Variants in EPB41L2 observed in about 807,000 individuals in gnomAD.
EPB41L2 encodes the protein erythrocyte membrane protein band 4.1 like 2, also known as band 4.1-like protein 2.
A neutral mutation model predicts 113.0 loss-of-function variants in EPB41L2; 43 were observed. The observed-to-expected ratio is 0.38, with a 90% CI of 0.30 to 0.49. EPB41L2 has a LOEUF of 0.49. Among genes scored for constraint, EPB41L2 ranks in the 20% least tolerant of loss-of-function variants. The pLI is 0.95. For synonymous variants in EPB41L2, 442 were observed against 436.7 expected (o/e 1.01, Z -0.15); for missense variants, 1,147 against 1,223.4 (o/e 0.94, Z 0.93).
At chr6:130,947,858 G>A (rs1317701148) in intron 3 of EPB41L2, among the ~76,000 whole-genome samples, 1 of 152,062 alleles carries the variant, frequency 6.6e-6, no homozygotes, top group Non-Finnish European at 1.5e-5. Flanking sequence ...AATAAAATGG[G>A]GAATATAATT....
At chr6:130,904,408 CA>C in intron 6 of EPB41L2, 56 bp downstream of exon 6, 1 of 1,285,474 alleles carries the variant, frequency 7.8e-7, no homozygotes, top group Non-Finnish European at 1.1e-6. Flanking sequence ...TCCCAGGGCA[CA>C]AAAATAAACG....
chr6:131,050,499 C>A (rs1365010570), intron 1 of EPB41L2, among the ~76,000 whole-genome samples: 1 of 152,190 alleles, frequency 6.6e-6, no homozygotes, highest in Non-Finnish European at 1.5e-5. Flanking sequence ...TAACACTGAT[C>A]ACATAACAGG....
Position 130,956,221 on chromosome 6 carries a change from T to C in EPB41L2, c.265A>G (p.Thr89Ala), listed in dbSNP as rs1474479018. 4 of 1,614,174 alleles carry C rather than the reference T, an allele frequency of 2.5e-6. No individual in the cohort carries two copies. The highest frequency in any genetic ancestry group is 1.7e-5 in the Admixed American group (1 of 60,024). The change falls in exon 2 of 20, where the codon ACC becomes GCC. Residue 89 changes from threonine to alanine, a missense_variant. Coordinates refer to ENST00000337057, the MANE Select transcript of EPB41L2 (RefSeq NM_001431.4). ...CCTCCATCTTTGGCCACTACTAAGGTATATGACTTTTGCTTCTTAAGCCAT... is the reference window on the plus strand; with the variant it reads ...CCTCCATCTTTGGCCACTACTAAGGCATATGACTTTTGCTTCTTAAGCCAT... ...PPWLKKQKSY[T>A]LVVAKDGGDK...
In EPB41L2 at chr6:130,933,215, CA is replaced by C. The variant is rs1345484234; in HGVS notation, c.706-6507del. ...TGTCATTTCTTCTTGCTATCTGAAG[CA>C]TGCCTTTGCTTTGTTTCTGTTCTTA... On this transcript the variant is annotated intron_variant, in intron 3 of 19. Transcript: ENST00000337057. Among the ~76,000 whole-genome samples the C allele has an allele frequency of 2.0e-5, 3 of 152,322 alleles. No homozygotes were observed. In the East Asian group the frequency reaches 5.8e-4, roughly 29 times the overall value.
At chr6:130,928,762 A>G (rs1032650818) in intron 3 of EPB41L2, among the ~76,000 whole-genome samples, 1 of 152,244 alleles carries the variant, frequency 6.6e-6, no homozygotes, top group Non-Finnish European at 1.5e-5. Context: ...TAGTTCCTCT[A>G]TCATTCAACA....
At position 130,872,649 on chromosome 6, in the gene EPB41L2, T is replaced by C. The variant is rs770977686; in HGVS notation, c.2044-2523A>G. On this transcript the variant is annotated intron_variant, in intron 14 of 19. Transcript: ENST00000337057. ...CACAAGAAAGAACAACAGAACAGCA[T>C]AAAATGAAAGAAAAGATGAGAATTC... 5.1e-5 allele frequency: 35 copies of C among 679,968 alleles called. 1 individual carries two copies. Among genetic ancestry groups the C allele is most frequent in the South Asian group, 9.5e-5 (4 of 42,054 alleles). 42.1% of individuals were successfully genotyped at this position (679,968 alleles called of 1,614,324 possible). A position where few individuals can be genotyped will look rare whatever the true frequency, so the allele number is the denominator to read the frequency against.
chr6:130,943,839 C>A (rs1305966174), intron 3 of EPB41L2, among the ~76,000 whole-genome samples: 1 of 152,034 alleles, frequency 6.6e-6, no homozygotes. Flanking sequence ...CAAGCCCAGC[C>A]TACGCCCAGC....
At chr6:131,009,212 C>G (rs1160896308) in intron 1 of EPB41L2, among the ~76,000 whole-genome samples, 1 of 152,126 alleles carries the variant, frequency 6.6e-6, no homozygotes. Context: ...TGAGTTCTCA[C>G]GAGGTCTGAT....
intron 1 of EPB41L2, among the ~76,000 whole-genome samples, chr6:131,052,557 G>A (rs1472624333): frequency 2.0e-5 from 3 of 152,144 alleles, no homozygotes; most frequent in Admixed American, 2.0e-4. Flanking sequence ...CAAAGAAAAC[G>A]AATAAGGAAA....
chr6:130,927,612 A>G (rs774648041), intron 3 of EPB41L2, among the ~76,000 whole-genome samples: 13 of 152,206 alleles, frequency 8.5e-5, no homozygotes, highest in Non-Finnish European at 1.6e-4. Flanking sequence ...CCCTCTCACT[A>G]TCAAAATGTG....
chr6:130,986,607 G>C (rs1271044441), intron 1 of EPB41L2, among the ~76,000 whole-genome samples: 2 of 151,132 alleles, frequency 1.3e-5, no homozygotes, highest in Non-Finnish European at 2.9e-5. Context: ...TTTTGAGATG[G>C]AGTCTTGCTC....
Position 130,840,133 on chromosome 6 carries a change from G to A in EPB41L2, c.*471C>T, listed in dbSNP as rs755605773. The A allele has an allele frequency of 2.0e-5, 3 of 152,378 alleles. No homozygotes were observed. Among genetic ancestry groups the A allele is most frequent in the Admixed American group, 6.5e-5 (1 of 15,276 alleles). 9.4% of individuals were successfully genotyped at this position (152,378 alleles called of 1,614,324 possible). On this transcript the variant is annotated 3_prime_UTR_variant, in exon 20 of 20. Coordinates refer to ENST00000337057, the MANE Select transcript of EPB41L2 (RefSeq NM_001431.4). ...TGAAAACTCCGTAAATATTTACTGT[G>A]AGAATTCAATGAAAAGAATCCAGAA...
intron 14 of EPB41L2, among the ~76,000 whole-genome samples, chr6:130,870,826 A>C (rs948660199): frequency 2.1e-4 from 32 of 152,310 alleles, no homozygotes; most frequent in African/African-American, 7.2e-4. Flanking sequence ...TTCTTTAAAA[A>C]AAAAAAAAAA....
intron 3 of EPB41L2, among the ~76,000 whole-genome samples, chr6:130,941,953 A>G (rs1811042679): frequency 1.3e-5 from 2 of 152,242 alleles, no homozygotes; most frequent in African/African-American, 4.8e-5. Context: ...GCATAATTAA[A>G]TAAATATTTA....
At chr6:130,931,254 A>G (rs1209150109) in intron 3 of EPB41L2, among the ~76,000 whole-genome samples, 2 of 152,192 alleles carry the variant, frequency 1.3e-5, no homozygotes, top group African/African-American at 2.4e-5. Flanking sequence ...ATTTTATTCT[A>G]CTAATTTATT....
chr6:131,029,932 C>T (rs919942366), intron 1 of EPB41L2, among the ~76,000 whole-genome samples: 1 of 151,186 alleles, frequency 6.6e-6, no homozygotes, highest in East Asian at 1.9e-4. Flanking sequence ...AGCACCCCAG[C>T]CTGCACAATT....
rs185632069 is a variant in EPB41L2 at position 131,032,225 on chromosome 6, G to T, written c.-15+30930C>A. Among the ~76,000 whole-genome samples the T allele has an allele frequency of 5.3e-5, 8 of 151,110 alleles. No individual in the cohort carries two copies. In the East Asian group the frequency reaches 1.5e-3, roughly 29 times the overall value. ...TTGCTTGAAGAGGGACTGGTATAGT[G>T]GTTTACAAAGCTATGGAAAAATACA... On this transcript the variant is annotated intron_variant, in intron 1 of 19. Coordinates refer to ENST00000337057, the MANE Select transcript of EPB41L2 (RefSeq NM_001431.4).
intron 1 of EPB41L2, among the ~76,000 whole-genome samples, chr6:130,958,468 C>CAAAA (rs200548809): frequency 2.8e-3 from 309 of 111,720 alleles, no homozygotes; most frequent in South Asian, 4.2e-3. Flanking sequence ...ACAACAACAA[C>CAAAA]AAAAAAAAAA....
intron 19 of EPB41L2, among the ~76,000 whole-genome samples, chr6:130,853,446 T>C (rs1444537187): frequency 6.6e-6 from 1 of 152,182 alleles, no homozygotes; most frequent in Non-Finnish European, 1.5e-5. Context: ...GTCAGCAATA[T>C]TTTTCATCCA....
Sources: gnomAD v4.1 joint callset for allele counts (sites outside exome capture counted in the v4.1 genomes callset) on GRCh38, gnomAD v4.1.1 for gene constraint, MANE v1.5 for transcripts, NCBI Gene and HGNC (gene_info 2026-07-23, HGNC 2026-07-21) for gene names.